TFAP2D: variants seen among roughly 807,000 people sequenced by gnomAD.
TFAP2D encodes transcription factor AP-2 delta, also known as transcription factor AP-2-delta.
In TFAP2D, 9 loss-of-function variants were observed where a neutral mutation model predicts 43.6. That is an observed-to-expected ratio of 0.21 (90% CI 0.12 to 0.36). TFAP2D has a LOEUF of 0.36. TFAP2D is among the 10% of genes least tolerant of loss of function. TFAP2D has a pLI of 1.00. For synonymous variants in TFAP2D, 256 were observed against 224.9 expected, an observed-to-expected ratio of 1.14 and a Z score of -1.24; for missense variants, 513 against 561.4, an observed-to-expected ratio of 0.91 and a Z score of 0.87.
chr6:50,769,131 T>G (rs1024460930), intron 7 of TFAP2D, among the ~76,000 whole-genome samples: 1 of 152,102 alleles, frequency 6.6e-6, no homozygotes, highest in African/African-American at 2.4e-5. Context: ...CCTGACCTTG[T>G]GGTCTACCTG....
intron 5 of TFAP2D, among the ~76,000 whole-genome samples, chr6:50,744,263 T>C (rs1769093789): frequency 6.6e-6 from 1 of 152,134 alleles, no homozygotes; most frequent in Non-Finnish European, 1.5e-5. Flanking sequence ...GTGTTCTCAT[T>C]GTTAAGCTCC....
chr6:50,715,444 A>G lies in TFAP2D; in HGVS notation c.368A>G (p.Lys123Arg). 6.2e-7 allele frequency: 1 copy of G among 1,614,164 alleles called. No individual in the cohort carries two copies. Among genetic ancestry groups the G allele is most frequent in the East Asian group, 2.2e-5 (1 of 44,848 alleles). ...AACCTGCACAATGCGCGGGCGCTCA[A>G]GTCGTCCTGCCTGGACGAGCAGAGG... The part of the protein sequence containing the change: ...FINLHNARAL[K>R]SSCLDEQRRE... The change falls in exon 2 of 8, where the codon AAG becomes AGG. Residue 123 changes from lysine (K) to arginine (R), a missense_variant. Lys to Arg is a conservative substitution (Grantham distance 26, BLOSUM62 2). This residue lies in a region of TFAP2D where 311 missense variants were observed against 316.2 expected (regional missense o/e 0.98). Coordinates refer to ENST00000008391, the MANE Select transcript of TFAP2D (RefSeq NM_172238.4).
chr6:50,716,314 G>T (rs762364581), intron 2 of TFAP2D, among the ~76,000 whole-genome samples: 42 of 152,212 alleles, frequency 2.8e-4, no homozygotes, highest in Non-Finnish European at 4.6e-4. Flanking sequence ...ACTCAAAACC[G>T]CAGCCCAGTT....
rs2114029235 is a variant in TFAP2D, at chr6:50,719,097, T to A, written c.545T>A (p.Val182Glu). Residue 182 changes from valine to glutamate, a missense_variant, in exon 3 of 8, where the codon GTG becomes GAG. Val to Glu is a moderately radical substitution (Grantham distance 121). Coordinates refer to ENST00000008391, the MANE Select transcript of TFAP2D (RefSeq NM_172238.4). ...TCTGTTTCTTTTATTAAGGGCTCTG[T>A]GGAGGCCCAGTGTGGGCTTGTTCTC... is the stretch of plus-strand genomic sequence containing the variant. Reference protein sequence around the residue: ...AAGADDLQGSVEAQCGLVLNG... With the variant: ...AAGADDLQGSEEAQCGLVLNG... 4 of 1,613,968 alleles carry A rather than the reference T, an allele frequency of 2.5e-6. No homozygotes were observed. Among genetic ancestry groups the A allele is most frequent in the Non-Finnish European group, 3.4e-6 (4 of 1,179,874 alleles).
At chr6:50,760,170 G>A (rs1431968170) in intron 7 of TFAP2D, among the ~76,000 whole-genome samples, 3 of 151,996 alleles carry the variant, frequency 2.0e-5, no homozygotes, top group Non-Finnish European at 1.5e-5. Flanking sequence ...TTAAATCTCA[G>A]AGTACATATT....
At chr6:50,744,148 T>C (rs1769092384) in intron 5 of TFAP2D, among the ~76,000 whole-genome samples, 1 of 152,268 alleles carries the variant, frequency 6.6e-6, no homozygotes, top group South Asian at 2.1e-4. Flanking sequence ...ATCACCCAGG[T>C]AATAAGCATA....
chr6:50,723,107 C>G (rs746261983), intron 3 of TFAP2D, among the ~76,000 whole-genome samples: 20 of 152,318 alleles, frequency 1.3e-4, no homozygotes, highest in African/African-American at 4.3e-4. Context: ...TTTGTCAGAG[C>G]GCTTAGAGGT....
In TFAP2D at chr6:50,766,519, C is replaced by T. The variant is rs528495557; in HGVS notation, c.1140-6126C>T. On this transcript the variant is annotated intron_variant, in intron 7 of 7. Transcript: ENST00000008391. ...GGTTATCGCTTTCCATTCATTCGTG[C>T]CTTCTTTAATTTCTTTCATTAGTGT... is the stretch of plus-strand genomic sequence containing the variant. Among the ~76,000 whole-genome samples the T allele has an allele frequency of 3.3e-5, 5 of 151,908 alleles. No homozygotes were observed. In the South Asian group the frequency reaches 1.0e-3, roughly 32 times the overall value.
At chr6:50,736,572 A>C (rs779148799) in intron 5 of TFAP2D, among the ~76,000 whole-genome samples, 4 of 152,188 alleles carry the variant, frequency 2.6e-5, no homozygotes, top group Non-Finnish European at 4.4e-5. Flanking sequence ...ACCATATTAG[A>C]GTATATCTTT....
intron 7 of TFAP2D, among the ~76,000 whole-genome samples, chr6:50,769,611 C>G (rs1457368954): frequency 6.6e-6 from 1 of 152,146 alleles, no homozygotes; most frequent in African/African-American, 2.4e-5. Context: ...TGCTCTTAGG[C>G]AGGAAAGTGA....
At chr6:50,726,542 G>C (rs1322896426) in intron 3 of TFAP2D, among the ~76,000 whole-genome samples, 1 of 152,186 alleles carries the variant, frequency 6.6e-6, no homozygotes, top group East Asian at 1.9e-4. Flanking sequence ...ACTGTGAGTA[G>C]AGATCCATTT....
intron 5 of TFAP2D, among the ~76,000 whole-genome samples, chr6:50,741,170 C>T (rs1769039480): frequency 6.6e-6 from 1 of 151,956 alleles, no homozygotes; most frequent in Non-Finnish European, 1.5e-5. Context: ...TCATGGTTTT[C>T]ACTTTTTTAG....
intron 7 of TFAP2D, among the ~76,000 whole-genome samples, chr6:50,760,065 C>G (rs892447886): frequency 6.6e-6 from 1 of 151,966 alleles, no homozygotes; most frequent in Non-Finnish European, 1.5e-5. Context: ...TGAAGTATGA[C>G]AATGCATATT....
chr6:50,739,405 C>T (rs1487640964), intron 5 of TFAP2D, among the ~76,000 whole-genome samples: 1 of 152,120 alleles, frequency 6.6e-6, no homozygotes, highest in Non-Finnish European at 1.5e-5. Flanking sequence ...ATGAACTCAT[C>T]CTTTTTTATG....
chr6:50,725,716 A>C (rs977731011), intron 3 of TFAP2D, among the ~76,000 whole-genome samples: 5 of 152,192 alleles, frequency 3.3e-5, no homozygotes. Flanking sequence ...TATCTTAAAG[A>C]AGTATCACTC....
At chr6:50,743,654 G>A (rs569257769) in intron 5 of TFAP2D, among the ~76,000 whole-genome samples, 72 of 152,020 alleles carry the variant, frequency 4.7e-4, no homozygotes, top group Non-Finnish European at 7.6e-4. Context: ...CAAAGTGCTA[G>A]CATCTTTACT....
intron 6 of TFAP2D, 123 bp downstream of exon 6, chr6:50,745,371 A>T (rs1769111171): frequency 1.7e-5 from 23 of 1,358,494 alleles, no homozygotes; most frequent in Non-Finnish European, 2.1e-5. Flanking sequence ...TCTCACACAC[A>T]AGCAGCTAGA....
At position 50,761,774 on chromosome 6, in the gene TFAP2D, G is replaced by A. The variant is rs532052912; in HGVS notation, c.1139+10450G>A. Among the ~76,000 whole-genome samples, 5 of 152,180 alleles carry A rather than the reference G, an allele frequency of 3.3e-5. No individual in the cohort carries two copies. In the South Asian group the frequency reaches 1.0e-3, roughly 32 times the overall value. On this transcript the variant is annotated intron_variant, in intron 7 of 7. Transcript: ENST00000008391. ...TAGCATACAATTAAGCTAGTGAAATGTAAACTATACTTACTTAGATTAGAG... is the reference window on the plus strand; with the variant it reads ...TAGCATACAATTAAGCTAGTGAAATATAAACTATACTTACTTAGATTAGAG...
At chr6:50,738,378 AC>A (rs1490517684) in intron 5 of TFAP2D, among the ~76,000 whole-genome samples, 4 of 151,962 alleles carry the variant, frequency 2.6e-5, no homozygotes, top group Non-Finnish European at 5.9e-5. Flanking sequence ...TGCATGCAGA[AC>A]TTTTTTACAT....
Sources: allele counts gnomAD v4.1 joint callset (sites outside exome capture counted in the v4.1 genomes callset), GRCh38; gene constraint gnomAD v4.1.1; regional missense constraint gnomAD v4.1.1; transcripts MANE v1.5; gene names NCBI Gene and HGNC (gene_info 2026-07-23, HGNC 2026-07-21).